TMEM232: variants seen among roughly 807,000 people sequenced by gnomAD.
TMEM232 encodes the protein transmembrane protein 232.
TMEM232 carries 80 observed loss-of-function variants against 78.8 expected under a neutral mutation model. That is an observed-to-expected ratio of 1.01 (90% CI 0.85 to 1.22). The LOEUF is 1.22. Among genes scored for constraint, TMEM232 ranks in the 50% most tolerant of loss-of-function variants. The pLI, the probability that TMEM232 is intolerant of heterozygous loss-of-function variation, is 0.00. For missense variants in TMEM232, 881 were observed against 742.2 expected (o/e 1.19, Z -2.17); for synonymous variants, 297 against 254.3 (o/e 1.17, Z -1.60).
intron 12 of TMEM232, among the ~76,000 whole-genome samples, chr5:110,460,865 A>G (rs191645780): frequency 1.3e-5 from 2 of 152,044 alleles, no homozygotes; most frequent in African/African-American, 4.8e-5. Context: ...TAACTATTGT[A>G]ATTGTTTTGG....
intron 12 of TMEM232, among the ~76,000 whole-genome samples, chr5:110,439,517 G>C (rs890917222): frequency 6.6e-6 from 1 of 151,836 alleles, no homozygotes; most frequent in African/African-American, 2.4e-5. Flanking sequence ...CAGGGTCCTT[G>C]GGCTTCTGCC....
At chr5:110,668,279 G>C (rs1182469051) in intron 1 of TMEM232, among the ~76,000 whole-genome samples, 1 of 152,116 alleles carries the variant, frequency 6.6e-6, no homozygotes, top group East Asian at 1.9e-4. Context: ...GATAGACCAA[G>C]ACAGAACAGC....
At chr5:110,673,293 C>A (rs999934101) in intron 1 of TMEM232, among the ~76,000 whole-genome samples, 1 of 133,636 alleles carries the variant, frequency 7.5e-6, no homozygotes, top group Non-Finnish European at 1.6e-5. Context: ...TCACACACCA[C>A]GGCCTGTTGT....
intron 12 of TMEM232, among the ~76,000 whole-genome samples, chr5:110,448,509 CT>C (rs1288333531): frequency 6.6e-6 from 1 of 151,890 alleles, no homozygotes; most frequent in Non-Finnish European, 1.5e-5. Context: ...AAATTTCAGT[CT>C]AAATGATTGT....
At chr5:110,583,500 G>A (rs773528547) in intron 10 of TMEM232, among the ~76,000 whole-genome samples, 7 of 151,838 alleles carry the variant, frequency 4.6e-5, no homozygotes, top group Non-Finnish European at 8.8e-5. Flanking sequence ...AAATTGATTA[G>A]AGACAAACAG....
At chr5:110,649,482 G>A (rs1467070066) in intron 2 of TMEM232, among the ~76,000 whole-genome samples, 1 of 151,980 alleles carries the variant, frequency 6.6e-6, no homozygotes, top group Non-Finnish European at 1.5e-5. Flanking sequence ...AATTACAAGA[G>A]TATGTATACT....
intron 11 of TMEM232, among the ~76,000 whole-genome samples, chr5:110,544,156 G>T (rs1306307890): frequency 1.3e-5 from 2 of 151,646 alleles, no homozygotes; most frequent in East Asian, 3.9e-4. Flanking sequence ...AAAAATTCAG[G>T]GTTTCCTTTT....
intron 8 of TMEM232, among the ~76,000 whole-genome samples, chr5:110,606,641 A>G (rs1052362169): frequency 2.0e-5 from 3 of 152,020 alleles, no homozygotes; most frequent in Non-Finnish European, 4.4e-5. Flanking sequence ...CTTGCAACTG[A>G]TTCCACAAGG....
intron 3 of TMEM232, among the ~76,000 whole-genome samples, chr5:110,393,854 A>C (rs1390592855): frequency 1.3e-5 from 2 of 151,492 alleles, no homozygotes; most frequent in East Asian, 3.9e-4. Flanking sequence ...GCTACTTGGG[A>C]CACTGAGGCA....
At chr5:110,550,633 A>T (rs1774337808) in intron 11 of TMEM232, among the ~76,000 whole-genome samples, 1 of 152,026 alleles carries the variant, frequency 6.6e-6, no homozygotes, top group Admixed American at 6.5e-5. Context: ...TTATAATAAA[A>T]TAGATATATC....
chr5:110,658,203 T>A (rs1789341740), intron 2 of TMEM232, among the ~76,000 whole-genome samples: 1 of 152,184 alleles, frequency 6.6e-6, no homozygotes, highest in South Asian at 2.1e-4. Context: ...ACACTGGAAA[T>A]ATCCTCTGTC....
intron 1 of TMEM232, chr5:110,735,137 T>C (rs1799029149): frequency 6.6e-6 from 1 of 152,224 alleles, no homozygotes; most frequent in Admixed American, 6.5e-5. Flanking sequence ...ATATAGGTGA[T>C]TTTTATTTTA....
intron 12 of TMEM232, among the ~76,000 whole-genome samples, chr5:110,488,377 G>T (rs1275012355): frequency 6.6e-6 from 1 of 151,858 alleles, no homozygotes; most frequent in African/African-American, 2.4e-5. Context: ...AAAGCACAGA[G>T]CATCTTTTTA....
At chr5:110,704,212 G>A (rs1488871435) in intron 1 of TMEM232, among the ~76,000 whole-genome samples, 1 of 152,038 alleles carries the variant, frequency 6.6e-6, no homozygotes, top group Non-Finnish European at 1.5e-5. Flanking sequence ...CAACTAAAGG[G>A]TTCACCTGAA....
At chr5:110,485,996 T>C (rs1309547429) in intron 12 of TMEM232, among the ~76,000 whole-genome samples, 1 of 152,138 alleles carries the variant, frequency 6.6e-6, no homozygotes, top group Non-Finnish European at 1.5e-5. Context: ...TTCAATTTTT[T>C]TTTTATTATG....
chr5:110,403,727 C>T (rs1265426754), intron 2 of TMEM232, among the ~76,000 whole-genome samples: 1 of 151,754 alleles, frequency 6.6e-6, no homozygotes, highest in Non-Finnish European at 1.5e-5. Context: ...TAATATCATC[C>T]AAAAACCTTT....
At chr5:110,425,825 A>C (rs569381536) in intron 12 of TMEM232, among the ~76,000 whole-genome samples, 1 of 152,094 alleles carries the variant, frequency 6.6e-6, no homozygotes, top group Non-Finnish European at 1.5e-5. Flanking sequence ...GTCTCTATAC[A>C]GTAGCCAGAA....
chr5:110,402,064 G>C (rs1755622093), intron 2 of TMEM232, among the ~76,000 whole-genome samples: 1 of 152,000 alleles, frequency 6.6e-6, no homozygotes, highest in Non-Finnish European at 1.5e-5. Flanking sequence ...GAAACCGAAA[G>C]GAGAAACCAA....
In TMEM232 at chr5:110,528,592, C is replaced by T; in HGVS notation, c.1699G>A (p.Val567Ile). The change falls in exon 12 of 14, where the codon GTA (valine) becomes ATA (isoleucine). Residue 567 changes from valine (V) to isoleucine (I), a missense_variant. Coordinates refer to ENST00000455884, the MANE Select transcript of TMEM232 (RefSeq NM_001039763.4). Reference sequence around the variant, plus strand: ...ACCGATAGTACTTCTCTTTACCTTACAGTGAAATGTAGAACTTGCTTTTTC... The same window carrying T: ...ACCGATAGTACTTCTCTTTACCTTATAGTGAAATGTAGAACTTGCTTTTTC... ...SVKKQVLHFT[V>I]REHPSVSEIP... 6.5e-6 allele frequency: 10 copies of T among 1,528,364 alleles called. No individual in the cohort carries two copies. Among genetic ancestry groups the T allele is most frequent in the Non-Finnish European group, 8.7e-6 (10 of 1,143,648 alleles). 94.7% of individuals were successfully genotyped at this position (1,528,364 alleles called of 1,614,324 possible).
Sources: allele counts gnomAD v4.1 joint callset (sites outside exome capture counted in the v4.1 genomes callset), GRCh38; gene constraint gnomAD v4.1.1; transcripts MANE v1.5; gene names NCBI Gene and HGNC (gene_info 2026-07-23, HGNC 2026-07-21).